The following MAF variants were observed in gnomAD, a reference collection of about 807,000 sequenced individuals.
The protein encoded by MAF is MAF bZIP transcription factor, also known as transcription factor Maf.
A neutral mutation model predicts 22.0 loss-of-function variants in MAF; 10 were observed. The observed-to-expected ratio is 0.45, with a 90% CI of 0.28 to 0.77. The LOEUF (loss-of-function observed/expected upper bound fraction) is 0.77, where lower values mean the gene tolerates loss of function less well. Among genes scored for constraint, MAF ranks in the 30% least tolerant of loss-of-function variants. The probability of loss-of-function intolerance (pLI) is 0.12; values close to 1 mark genes in which losing one functional copy is unlikely to be tolerated. For synonymous variants in MAF, 337 were observed against 255.8 expected, an observed-to-expected ratio of 1.32 and a Z score of -3.03; for missense variants, 544 against 548.4, an observed-to-expected ratio of 0.99 and a Z score of 0.08.
At chr16:79,315,468 G>A in the MAF span, among the ~76,000 whole-genome samples, 8 of 152,244 alleles carry the variant, frequency 5.3e-5, no homozygotes, top group African/African-American at 1.9e-4. Flanking sequence ...TTCTACCAAT[G>A]AGAGCATCGT....
chr16:79,305,733 T>A, the MAF span, among the ~76,000 whole-genome samples: 1 of 152,158 alleles, frequency 6.6e-6, no homozygotes, highest in African/African-American at 2.4e-5. Context: ...CGCTGGAAGA[T>A]TTAAGCAGAG....
At chr16:79,511,431 G>T in the MAF span, among the ~76,000 whole-genome samples, 2 of 152,066 alleles carry the variant, frequency 1.3e-5, no homozygotes, top group African/African-American at 4.8e-5. Context: ...ACAAATTCAG[G>T]TCTTTATTTC....
chr16:79,498,273 G>A, the MAF span, among the ~76,000 whole-genome samples: 28 of 152,282 alleles, frequency 1.8e-4, no homozygotes, highest in East Asian at 4.4e-3. Flanking sequence ...GCAACTTCTC[G>A]GCTCTGGTCG....
chr16:79,478,333 A>C, the MAF span, among the ~76,000 whole-genome samples: 1 of 152,208 alleles, frequency 6.6e-6, no homozygotes, highest in South Asian at 2.1e-4. Context: ...TAGATGTGGT[A>C]GAGTCTACAG....
the MAF span, among the ~76,000 whole-genome samples, chr16:79,353,516 T>C: frequency 3.3e-5 from 5 of 152,142 alleles, no homozygotes; most frequent in African/African-American, 1.2e-4. Flanking sequence ...TGCTACATAA[T>C]ATGATCTCCG....
At chr16:79,220,474 T>C in the MAF span, among the ~76,000 whole-genome samples, 1 of 152,088 alleles carries the variant, frequency 6.6e-6, no homozygotes, top group Non-Finnish European at 1.5e-5. Context: ...CCTTGATATA[T>C]TTCAAACTAA....
chr16:79,319,491 A>G, the MAF span, among the ~76,000 whole-genome samples: 1 of 152,240 alleles, frequency 6.6e-6, no homozygotes, highest in Non-Finnish European at 1.5e-5. Flanking sequence ...TTCCCCAAGC[A>G]CAACTGTTTG....
chr16:79,286,008 C>T, the MAF span, among the ~76,000 whole-genome samples: 4 of 152,170 alleles, frequency 2.6e-5, no homozygotes, highest in Non-Finnish European at 4.4e-5. Flanking sequence ...AACCCTGGCC[C>T]TACCTCCCAC....
At chr16:79,575,709 A>G in the MAF span, among the ~76,000 whole-genome samples, 1 of 152,180 alleles carries the variant, frequency 6.6e-6, no homozygotes, top group East Asian at 1.9e-4. Flanking sequence ...AAGAGAATGT[A>G]CCTTCATCCC....
chr16:79,539,490 C>T, the MAF span, among the ~76,000 whole-genome samples: 6 of 151,882 alleles, frequency 4.0e-5, no homozygotes, highest in East Asian at 1.9e-4. Context: ...TGTGACAGAG[C>T]GAGACTCCAC....
the MAF span, among the ~76,000 whole-genome samples, chr16:79,208,800 A>G: frequency 1.3e-5 from 2 of 152,218 alleles, no homozygotes; most frequent in African/African-American, 2.4e-5. Flanking sequence ...ACATCTGATC[A>G]TATTAAGATG....
chr16:79,334,668 TG>T, the MAF span, among the ~76,000 whole-genome samples: 15 of 152,198 alleles, frequency 9.9e-5, no homozygotes, highest in East Asian at 1.7e-3. Context: ...CTTCTAAGTG[TG>T]GGGCCCTGCA....
chr16:79,582,968 T>C (rs1217598029), downstream of MAF, among the ~76,000 whole-genome samples: 1 of 152,226 alleles, frequency 6.6e-6, no homozygotes, highest in Admixed American at 6.5e-5. Flanking sequence ...ACAGTGTTGG[T>C]TTTCACATGT....
chr16:79,219,420 G>A, the MAF span, among the ~76,000 whole-genome samples: 5 of 151,928 alleles, frequency 3.3e-5, no homozygotes, highest in African/African-American at 1.2e-4. Context: ...GCAAGGTGGC[G>A]GGCGCCTGTA....
At chr16:79,423,511 T>G in the MAF span, among the ~76,000 whole-genome samples, 12 of 152,098 alleles carry the variant, frequency 7.9e-5, no homozygotes, top group Admixed American at 2.6e-4. Context: ...ACCCCAGGAG[T>G]TGGTGAACTA....
At chr16:79,504,027 TCA>T in the MAF span, among the ~76,000 whole-genome samples, 72 of 152,244 alleles carry the variant, frequency 4.7e-4, no homozygotes, top group African/African-American at 1.7e-3. Flanking sequence ...TCTCCCAACC[TCA>T]CAGTTTTCAA....
the MAF span, among the ~76,000 whole-genome samples, chr16:79,210,436 C>T: frequency 3.3e-5 from 5 of 152,188 alleles, no homozygotes; most frequent in Admixed American, 2.0e-4. Flanking sequence ...GTAAACCCTG[C>T]AGGGGCAGAA....
the MAF span, among the ~76,000 whole-genome samples, chr16:79,509,915 G>A: frequency 6.6e-6 from 1 of 152,150 alleles, no homozygotes; most frequent in Non-Finnish European, 1.5e-5. Flanking sequence ...GGGTTGAAAG[G>A]GAATATCAGA....
the MAF span, among the ~76,000 whole-genome samples, chr16:79,571,104 T>C: frequency 5.0e-5 from 7 of 140,652 alleles, no homozygotes; most frequent in Non-Finnish European, 8.1e-5. Context: ...ATCCCCACAT[T>C]TCCAGTTAAA....
Sources: allele counts gnomAD v4.1 joint callset (sites outside exome capture counted in the v4.1 genomes callset), GRCh38; gene constraint gnomAD v4.1.1; transcripts MANE v1.5; gene names NCBI Gene and HGNC (gene_info 2026-07-23, HGNC 2026-07-21).